The following THSD7A variants were observed in gnomAD, a reference collection of about 807,000 sequenced individuals.
THSD7A encodes the protein thrombospondin type 1 domain containing 7A.
A neutral mutation model predicts 231.3 loss-of-function variants in THSD7A; 96 were observed. That is an observed-to-expected ratio of 0.41 (90% CI 0.35 to 0.49). The LOEUF is 0.49. Among genes scored for constraint, THSD7A ranks in the 20% least tolerant of loss-of-function variants. THSD7A has a pLI of 0.05. For synonymous variants in THSD7A, 940 were observed against 743.3 expected (o/e 1.26, Z -4.30); for missense variants, 2,290 against 2,070.2 (o/e 1.11, Z -2.06).
chr7:11,625,366 G>C (rs1371871455), intron 2 of THSD7A, among the ~76,000 whole-genome samples: 4 of 152,004 alleles, frequency 2.6e-5, no homozygotes, highest in Non-Finnish European at 1.5e-5. Context: ...ATGGCTTCTT[G>C]TATTAAGCAC....
chr7:11,680,271 C>T (rs1356308486), intron 1 of THSD7A, among the ~76,000 whole-genome samples: 1 of 152,046 alleles, frequency 6.6e-6, no homozygotes, highest in Non-Finnish European at 1.5e-5. Context: ...TAGGCAATAC[C>T]ATTCAGTACA....
chr7:11,481,628 C>T (rs904708430), intron 7 of THSD7A, among the ~76,000 whole-genome samples, 160 bp downstream of exon 7: 2 of 152,088 alleles, frequency 1.3e-5, no homozygotes, highest in Middle Eastern at 3.2e-3. Context: ...TTTTGGGGGA[C>T]AGAATCAAAT....
At chr7:11,689,606 C>T (rs1470998572) in intron 1 of THSD7A, among the ~76,000 whole-genome samples, 1 of 151,710 alleles carries the variant, frequency 6.6e-6, no homozygotes, top group African/African-American at 2.4e-5. Flanking sequence ...GGGCCATTTT[C>T]GTCCTACTTC....
intron 11 of THSD7A, among the ~76,000 whole-genome samples, chr7:11,448,115 T>C (rs1415864477): frequency 6.6e-6 from 1 of 152,136 alleles, no homozygotes; most frequent in African/African-American, 2.4e-5. Context: ...ACTTAAAAAT[T>C]TTCAATAATC....
chr7:11,484,873 A>ACTTTTTTT (rs1786584239), intron 6 of THSD7A, among the ~76,000 whole-genome samples: 1 of 38,330 alleles, frequency 2.6e-5, no homozygotes. Flanking sequence ...TCACAACCTT[A>ACTTTTTTT]ATTTTTTTTT....
chr7:11,475,440 G>T (rs987253935), intron 7 of THSD7A, among the ~76,000 whole-genome samples: 2 of 151,898 alleles, frequency 1.3e-5, no homozygotes, highest in Admixed American at 6.6e-5. Context: ...TGAAGCCTGC[G>T]TAAGTCCTGT....
chr7:11,646,122 A>G (rs954279550), intron 1 of THSD7A, among the ~76,000 whole-genome samples: 1 of 152,002 alleles, frequency 6.6e-6, no homozygotes, highest in Admixed American at 6.6e-5. Context: ...AGAATTTGAG[A>G]GTGTTAGAAT....
At position 11,483,520 on chromosome 7, in the gene THSD7A, G is replaced by T. The variant is rs548073622; in HGVS notation, c.1823-1538C>A. On this transcript the variant is annotated intron_variant, in intron 6 of 27. Coordinates refer to ENST00000423059, the MANE Select transcript of THSD7A (RefSeq NM_015204.3). ...TTTGTTTTTATTGGTGTTGGGTTTT[G>T]GCATGTATCCCAATTAAAAAAATGT... 2.6e-5 allele frequency among the ~76,000 whole-genome samples: 4 copies of T among 152,050 alleles called. No homozygotes were observed. In the South Asian group the frequency reaches 8.3e-4, roughly 32 times the overall value.
chr7:11,718,899 T>G (rs540895551), intron 1 of THSD7A, among the ~76,000 whole-genome samples: 1 of 151,504 alleles, frequency 6.6e-6, no homozygotes, highest in Non-Finnish European at 1.5e-5. Flanking sequence ...AAACATATTA[T>G]GGATACTGTT....
rs77054766 is a variant in THSD7A, at chr7:11,666,313, A to G, written c.191-29352T>C. Among the ~76,000 whole-genome samples the G allele has an allele frequency of 1.5e-3, 231 of 152,202 alleles. 2 individuals are homozygous for G. The highest frequency in any genetic ancestry group is 5.2e-3 in the African/African-American group (217 of 41,568). ...AATGTTTCATATACACCTTATACAT[A>G]TAGACTGAAGGTAATTTTAAACAAC... is the stretch of plus-strand genomic sequence containing the variant. On this transcript the variant is annotated intron_variant, in intron 1 of 27. Transcript: ENST00000423059.
intron 6 of THSD7A, among the ~76,000 whole-genome samples, chr7:11,498,285 C>A (rs535655626): frequency 6.6e-6 from 1 of 152,130 alleles, no homozygotes; most frequent in Non-Finnish European, 1.5e-5. Context: ...TGTTTGGGTG[C>A]CTTGGCCATT....
chr7:11,679,424 T>A (rs779584222), intron 1 of THSD7A, among the ~76,000 whole-genome samples: 7 of 152,186 alleles, frequency 4.6e-5, no homozygotes, highest in African/African-American at 1.2e-4. Flanking sequence ...TGTTTTCAGA[T>A]GACTTGATTG....
chr7:11,719,796 C>A (rs911056096), intron 1 of THSD7A, among the ~76,000 whole-genome samples: 1 of 151,692 alleles, frequency 6.6e-6, no homozygotes, highest in African/African-American at 2.4e-5. Context: ...CCTTATAGAT[C>A]AATGGGGAAG....
chr7:11,411,404 T>C lies in THSD7A; in HGVS notation c.3683-82A>G, dbSNP rs141505449. On this transcript the variant is annotated intron_variant, in intron 18 of 27. Coordinates refer to ENST00000423059, the MANE Select transcript of THSD7A (RefSeq NM_015204.3). The surrounding 1 kb of genome is among the most constrained non-coding windows in gnomAD (Gnocchi z 4.1). ...TGAAACTCTGATGACCTGAATCCCA[T>C]ATTTAATTCACAACTGCTTCCTAAG... 1.9e-3 allele frequency: 1,733 copies of C among 911,882 alleles called. 21 individuals are homozygous for C. In the African/African-American group the frequency reaches 0.026, roughly 14 times the overall value. 56.5% of individuals were successfully genotyped at this position (911,882 alleles called of 1,614,324 possible).
chr7:11,395,397 A>G (rs923695020), intron 23 of THSD7A, among the ~76,000 whole-genome samples: 48 of 152,298 alleles, frequency 3.2e-4, no homozygotes, highest in African/African-American at 1.2e-3. Context: ...CCCATTGTCA[A>G]TATTAGGCAA....
Position 11,636,357 on chromosome 7 carries a change from C to T in THSD7A, c.795G>A (p.Met265Ile), listed in dbSNP as rs200032265. Residue 265 changes from methionine (M) to isoleucine (I), a missense_variant, in exon 2 of 28, where the codon ATG becomes ATA. Coordinates refer to ENST00000423059, the MANE Select transcript of THSD7A (RefSeq NM_015204.3). The surrounding 1 kb of genome is among the most constrained non-coding windows in gnomAD (Gnocchi z 10.0). ...LHVGPWSTCS[M>I]PHSRQVRQAR... is the part of the protein sequence containing the mutation. ...CTTGTCTTACTTGTCGGGAGTGGGG[C>T]ATTGAGCAGGTGCTCCAGGGCCCCA... 2 of 1,613,730 alleles carry T rather than the reference C, an allele frequency of 1.2e-6. No individual in the cohort carries two copies. Among genetic ancestry groups the T allele is most frequent in the African/African-American group, 1.3e-5 (1 of 74,908 alleles).
At chr7:11,663,432 G>T (rs940396468) in intron 1 of THSD7A, among the ~76,000 whole-genome samples, 1 of 151,086 alleles carries the variant, frequency 6.6e-6, no homozygotes, top group East Asian at 1.9e-4. Context: ...ACATCCAAAG[G>T]GTGAAAAAAG....
At chr7:11,694,600 A>G (rs1171772026) in intron 1 of THSD7A, among the ~76,000 whole-genome samples, 1 of 151,538 alleles carries the variant, frequency 6.6e-6, no homozygotes, top group African/African-American at 2.4e-5. Flanking sequence ...AAGCCTTTAT[A>G]ATTTTGAAGG....
chr7:11,732,568 T>G (rs1781773752), intron 1 of THSD7A, among the ~76,000 whole-genome samples: 1 of 151,900 alleles, frequency 6.6e-6, no homozygotes, highest in Non-Finnish European at 1.5e-5. Context: ...ATATAGTTTA[T>G]GTATAAAACA....
Sources: allele counts gnomAD v4.1 joint callset (sites outside exome capture counted in the v4.1 genomes callset), GRCh38; gene constraint gnomAD v4.1.1; non-coding constraint Gnocchi (gnomAD v3.1); transcripts MANE v1.5; gene names NCBI Gene and HGNC (gene_info 2026-07-23, HGNC 2026-07-21).